TMEM182: variants seen among roughly 807,000 people sequenced by gnomAD.
TMEM182 encodes the protein transmembrane protein 182.
TMEM182 carries 20 observed loss-of-function variants against 26.8 expected under a neutral mutation model. That is an observed-to-expected ratio of 0.75 (90% confidence interval 0.53 to 1.09). The LOEUF (loss-of-function observed/expected upper bound fraction) is 1.09. Ranked by LOEUF, TMEM182 falls within the 50% of genes least tolerant of loss-of-function variation. The pLI, the probability that TMEM182 is intolerant of heterozygous loss-of-function variation, is 0.00. For synonymous variants in TMEM182, 109 were observed against 102.2 expected (o/e 1.07, Z -0.40); for missense variants, 277 against 275.5 (o/e 1.01, Z -0.04).
At chr2:102,831,464 G>A (rs1191611653) in intron 3 of TMEM182, among the ~76,000 whole-genome samples, 1 of 152,186 alleles carries the variant, frequency 6.6e-6, no homozygotes, top group Non-Finnish European at 1.5e-5. Context: ...CTTAAAAGAA[G>A]AAGAGTGGTG....
intron 3 of TMEM182, among the ~76,000 whole-genome samples, chr2:102,778,131 A>G (rs1289042265): frequency 1.3e-5 from 2 of 151,752 alleles, no homozygotes; most frequent in Non-Finnish European, 2.9e-5. Flanking sequence ...AAAATTGTGG[A>G]TTTGTCTATC....
At position 102,804,236 on chromosome 2, in the gene TMEM182, T is replaced by C. The variant is rs1356532052; in HGVS notation, c.469+6236T>C. On this transcript the variant is annotated intron_variant, in intron 4 of 4. Coordinates refer to ENST00000412401, the MANE Select transcript of TMEM182 (RefSeq NM_144632.5). ...ATGAGTAAATTCTTTAGCAGTGATT[T>C]GTGAGATTTTGGCACACCCATCACC... Among the ~76,000 whole-genome samples, 5 of 152,202 alleles carry C rather than the reference T, an allele frequency of 3.3e-5. No individual in the cohort carries two copies. The East Asian group carries it at 9.6e-4, about 29-fold the overall frequency.
At chr2:102,746,315 T>G (rs371299050) in intron 1 of TMEM182, among the ~76,000 whole-genome samples, 5 of 152,336 alleles carry the variant, frequency 3.3e-5, no homozygotes, top group South Asian at 4.1e-4. Flanking sequence ...GTAAGAGTTC[T>G]TTATATGGTC....
At chr2:102,839,556 C>G (rs1002481785) in intron 3 of TMEM182, among the ~76,000 whole-genome samples, 10 of 150,714 alleles carry the variant, frequency 6.6e-5, no homozygotes, top group African/African-American at 2.4e-4. Context: ...AAGATCTAAA[C>G]TTTAGATCCC....
chr2:102,803,871 G>A (rs1682244853), intron 4 of TMEM182, among the ~76,000 whole-genome samples: 2 of 151,738 alleles, frequency 1.3e-5, no homozygotes, highest in Non-Finnish European at 2.9e-5. Context: ...CAGCCCTGCC[G>A]TCCACACCTG....
At chr2:102,831,755 T>TA (rs562317227) in intron 3 of TMEM182, among the ~76,000 whole-genome samples, 305 of 142,530 alleles carry the variant, frequency 2.1e-3, no homozygotes, top group South Asian at 9.6e-3. Flanking sequence ...AGACTCTGTC[T>TA]AAAAAAAAAA....
chr2:102,827,574 G>C (rs1178813635), intron 3 of TMEM182, among the ~76,000 whole-genome samples: 1 of 152,002 alleles, frequency 6.6e-6, no homozygotes, highest in Non-Finnish European at 1.5e-5. Flanking sequence ...CTTTCAAATC[G>C]AAGTACTTCG....
chr2:102,807,236 T>C (rs946065157), intron 4 of TMEM182, among the ~76,000 whole-genome samples: 14 of 152,176 alleles, frequency 9.2e-5, no homozygotes, highest in African/African-American at 3.4e-4. Flanking sequence ...ATTATTGTAT[T>C]TGGAAAGCAG....
intron 3 of TMEM182, among the ~76,000 whole-genome samples, chr2:102,834,098 G>A (rs1362652738): frequency 2.0e-5 from 3 of 152,182 alleles, no homozygotes; most frequent in African/African-American, 7.2e-5. Context: ...CAAGGATTCA[G>A]TGTTTCCAGT....
intron 3 of TMEM182, among the ~76,000 whole-genome samples, chr2:102,831,463 A>T (rs759071251): frequency 1.2e-4 from 19 of 152,236 alleles, no homozygotes; most frequent in Non-Finnish European, 2.8e-4. Context: ...TCTTAAAAGA[A>T]GAAGAGTGGT....
intron 4 of TMEM182, among the ~76,000 whole-genome samples, chr2:102,804,212 T>C (rs1682262709): frequency 6.6e-6 from 1 of 152,186 alleles, no homozygotes; most frequent in South Asian, 2.1e-4. Flanking sequence ...TTTGGTTACA[T>C]GAGTAAATTC....
At chr2:102,840,436 G>C (rs531353035) in intron 3 of TMEM182, among the ~76,000 whole-genome samples, 15 of 152,256 alleles carry the variant, frequency 9.9e-5, no homozygotes, top group African/African-American at 3.6e-4. Flanking sequence ...TCTAGACTTG[G>C]TGAATGCACC....
intron 3 of TMEM182, among the ~76,000 whole-genome samples, chr2:102,778,189 G>GT (rs1193055301): frequency 9.2e-5 from 14 of 151,524 alleles, no homozygotes; most frequent in Admixed American, 8.5e-4. Context: ...TCATAGCTCT[G>GT]TTTTTTTTAT....
At chr2:102,798,224 C>T (rs1029974122) in intron 4 of TMEM182, among the ~76,000 whole-genome samples, 1 of 152,140 alleles carries the variant, frequency 6.6e-6, no homozygotes, top group South Asian at 2.1e-4. Context: ...CACATGCTGA[C>T]ACATTTAACC....
intron 1 of TMEM182, among the ~76,000 whole-genome samples, chr2:102,739,708 T>C (rs756702377): frequency 6.6e-6 from 1 of 152,214 alleles, no homozygotes; most frequent in African/African-American, 2.4e-5. Flanking sequence ...GATGCCTCCA[T>C]GCTTCCTGTA....
chr2:102,750,964 G>A (rs1558751799), intron 1 of TMEM182, among the ~76,000 whole-genome samples: 1 of 152,162 alleles, frequency 6.6e-6, no homozygotes, highest in African/African-American at 2.4e-5. Flanking sequence ...GCCCTGCTGG[G>A]TTGCATATAG....
Position 102,822,981 on chromosome 2 carries a change from A to C in TMEM182, c.326-20431A>C, listed in dbSNP as rs76317942. 7.1e-3 allele frequency among the ~76,000 whole-genome samples: 1,078 copies of C among 152,338 alleles called. 13 individuals are homozygous for C. Among genetic ancestry groups the C allele is most frequent in the African/African-American group, 0.025 (1,035 of 41,574 alleles). ...CTTAGTATGTACTAGTTCCAGCATC[A>C]GGTGTTGGGGTCACCTTTTACAAGT... On this transcript the variant is annotated intron_variant, in intron 3 of 3. Coordinates refer to the TMEM182 transcript ENST00000486293.
chr2:102,746,937 T>C (rs538650857), intron 1 of TMEM182, among the ~76,000 whole-genome samples: 1 of 152,338 alleles, frequency 6.6e-6, no homozygotes, highest in African/African-American at 2.4e-5. Flanking sequence ...CTCTTGCTGT[T>C]CTTACTGAAT....
intron 3 of TMEM182, among the ~76,000 whole-genome samples, chr2:102,779,039 A>G (rs906307139): frequency 1.3e-5 from 2 of 152,050 alleles, no homozygotes; most frequent in African/African-American, 4.8e-5. Flanking sequence ...GTTTTCATTC[A>G]TCTGAGGATG....
Sources: gnomAD v4.1 joint callset for allele counts (sites outside exome capture counted in the v4.1 genomes callset) on GRCh38, gnomAD v4.1.1 for gene constraint, MANE v1.5 for transcripts, NCBI Gene and HGNC (gene_info 2026-07-23, HGNC 2026-07-21) for gene names.